PCNX2: variants seen among roughly 807,000 people sequenced by gnomAD.
The protein encoded by PCNX2 is pecanex-like protein 2.
In PCNX2, 168 loss-of-function variants were observed where a neutral mutation model predicts 223.8. That is an observed-to-expected ratio of 0.75 (90% CI 0.66 to 0.85). PCNX2 has a LOEUF of 0.85. Ranked by LOEUF, PCNX2 falls within the 40% of genes least tolerant of loss-of-function variation. The pLI is 0.00. For missense variants in PCNX2, 2,507 were observed against 2,675.5 expected, an observed-to-expected ratio of 0.94 and a Z score of 1.39; for synonymous variants, 1,006 against 1,052.6, an observed-to-expected ratio of 0.96 and a Z score of 0.86.
intron 23 of PCNX2, among the ~76,000 whole-genome samples, chr1:233,074,391 G>C (rs990987954): frequency 2.5e-4 from 38 of 152,044 alleles, no homozygotes; most frequent in African/African-American, 8.9e-4. Flanking sequence ...TCAGGAGATC[G>C]AGACCATCCC....
Position 233,219,637 on chromosome 1 carries a change from T to A in PCNX2, c.2505-1453A>T, listed in dbSNP as rs567030480. The stretch of plus-strand genomic sequence containing the variant: ...GCAATTGTGAACATTTAAAAAAAAA[T>A]AATAGGATATGTTGTTGAGAGACAT... On this transcript the variant is annotated intron_variant, in intron 10 of 33. Transcript: ENST00000258229. 7.9e-5 allele frequency among the ~76,000 whole-genome samples: 12 copies of A among 152,120 alleles called. No homozygotes were observed. In the East Asian group the frequency reaches 1.5e-3, roughly 20 times the overall value.
intron 22 of PCNX2, among the ~76,000 whole-genome samples, chr1:233,094,423 C>T (rs1674043774): frequency 1.3e-5 from 2 of 152,152 alleles, no homozygotes; most frequent in South Asian, 2.1e-4. Flanking sequence ...CAAGCTCAGG[C>T]TTTGCAAACA....
At chr1:233,085,427 T>C (rs1673554955) in intron 23 of PCNX2, among the ~76,000 whole-genome samples, 1 of 152,086 alleles carries the variant, frequency 6.6e-6, no homozygotes, top group Admixed American at 6.6e-5. Flanking sequence ...TGAAGGTATA[T>C]ATAGACTACA....
At chr1:233,016,820 T>C (rs1232752643) in intron 27 of PCNX2, 101 bp downstream of exon 27, 1 of 1,487,070 alleles carries the variant, frequency 6.7e-7, no homozygotes. Flanking sequence ...ATCCTCTATG[T>C]TAAAAGTCTA....
Position 233,024,388 on chromosome 1 carries a change from G to A in PCNX2, c.4605+758C>T, listed in dbSNP as rs1671011413. Among the ~76,000 whole-genome samples the A allele has an allele frequency of 2.0e-5, 3 of 152,192 alleles. No homozygotes were observed. In the South Asian group the frequency reaches 6.2e-4, roughly 32 times the overall value. ...TCCTCTTTTTGAACAGCATTAAGAG[G>A]TGACGTTCCTGTGGTCCATCCAGGA... On this transcript the variant is annotated intron_variant, in intron 26 of 33. Transcript: ENST00000258229.
chr1:233,044,253 T>C (rs924166981), intron 25 of PCNX2, among the ~76,000 whole-genome samples: 6 of 152,274 alleles, frequency 3.9e-5, no homozygotes, highest in African/African-American at 1.2e-4. Context: ...TTTGATGGGA[T>C]TGTTTGTTTT....
At position 233,000,379 on chromosome 1, in the gene PCNX2, C is replaced by T. The variant is rs560435745; in HGVS notation, c.5254G>A (p.Val1752Met). The change falls in exon 30 of 34, where the codon GTG becomes ATG. Residue 1752 changes from valine to methionine, a missense_variant. Transcript: ENST00000258229. This position sits in a 1 kb window ranked among gnomAD's most constrained non-coding sequence, Gnocchi z 4.6. ...NKEELLTLRH[V>M]VDEGADEYKV... is the part of the protein sequence containing the mutation. ...TACTCGTCGGCACCCTCGTCCACCACGTGCCGCAGGGTGAGCAGCTCTTCC... is the reference window on the plus strand; with the variant it reads ...TACTCGTCGGCACCCTCGTCCACCATGTGCCGCAGGGTGAGCAGCTCTTCC... 2.3e-5 allele frequency: 37 copies of T among 1,613,206 alleles called. No homozygotes were observed. Among genetic ancestry groups the T allele is most frequent in the Middle Eastern group, 1.7e-4 (1 of 6,054 alleles).
At chr1:233,246,294 T>A (rs1425792811) in intron 8 of PCNX2, among the ~76,000 whole-genome samples, 1 of 152,104 alleles carries the variant, frequency 6.6e-6, no homozygotes, top group African/African-American at 2.4e-5. Context: ...TCTGATTTAC[T>A]GCAGTCATCA....
rs752027273 is a variant in PCNX2, at chr1:233,025,163, T to A, written c.4588A>T (p.Ile1530Phe). ...AGCAATACCTTGATGTAGTAGCGGA[T>A]GAGGATCCTTCGGAGGTCAAACACC... is the stretch of plus-strand genomic sequence containing the variant. ...LQVFDLRRILIRYYIKSIIYY... is the reference protein window; with the variant it reads ...LQVFDLRRILFRYYIKSIIYY... The change falls in exon 26 of 34, where the codon ATC becomes TTC. Residue 1530 changes from isoleucine (I) to phenylalanine (F), a missense_variant. Around this residue, in one of 3 missense-constraint regions of PCNX2, gnomAD observed 1,372 missense variants for 1,509.4 expected, o/e 0.91. Transcript: ENST00000258229. 2 of 1,613,964 alleles carry A rather than the reference T, an allele frequency of 1.2e-6. No individual in the cohort carries two copies. Among genetic ancestry groups the A allele is most frequent in the South Asian group, 2.2e-5 (2 of 91,082 alleles).
intron 8 of PCNX2, chr1:233,250,510 C>T (rs1659390979): frequency 5.3e-6 from 5 of 942,728 alleles, no homozygotes; most frequent in African/African-American, 1.8e-5. Flanking sequence ...ATTTATACTA[C>T]CTACATGTTA....
At chr1:233,067,009 C>T (rs1672638538) in intron 23 of PCNX2, among the ~76,000 whole-genome samples, 1 of 152,048 alleles carries the variant, frequency 6.6e-6, no homozygotes, top group Non-Finnish European at 1.5e-5. Flanking sequence ...TCTCCCATCT[C>T]AAGAGTCAAT....
At chr1:233,312,584 T>G in the PCNX2 span, among the ~76,000 whole-genome samples, 4 of 152,158 alleles carry the variant, frequency 2.6e-5, no homozygotes, top group Non-Finnish European at 2.9e-5. Flanking sequence ...TTCAGAACAC[T>G]AAACAAGACG....
intron 15 of PCNX2, among the ~76,000 whole-genome samples, chr1:233,191,499 T>C (rs1264607459): frequency 6.6e-6 from 1 of 152,124 alleles, no homozygotes; most frequent in Non-Finnish European, 1.5e-5. Flanking sequence ...TCCCTAGAGC[T>C]CATTAAGTGT....
chr1:233,063,051 A>G (rs921535221), intron 23 of PCNX2, among the ~76,000 whole-genome samples: 1 of 152,162 alleles, frequency 6.6e-6, no homozygotes, highest in Admixed American at 6.5e-5. Context: ...AGCCTGGCCA[A>G]CACAGTGAAA....
At chr1:233,075,772 C>A (rs1332649863) in intron 23 of PCNX2, among the ~76,000 whole-genome samples, 1 of 151,188 alleles carries the variant, frequency 6.6e-6, no homozygotes, top group Non-Finnish European at 1.5e-5. Context: ...AAATAGCAGG[C>A]CTGAACATAG....
chr1:233,095,649 A>G, intron 22 of PCNX2, 106 bp downstream of exon 22: 1 of 1,034,740 alleles, frequency 9.7e-7, no homozygotes. Context: ...TTAAAATGTA[A>G]TCTTATAGAC....
chr1:233,295,169 A>C lies in PCNX2; in HGVS notation c.153+157T>G, dbSNP rs1262819575. On this transcript the variant is annotated intron_variant, in intron 1 of 33. Transcript: ENST00000258229. The surrounding 1 kb of genome is among the most constrained non-coding windows in gnomAD (Gnocchi z 4.1). ...AATCCTCACAGTCCCCTTTCCCTGC[A>C]TGTTCTCTGTCCCAAATTTCTGAAG... Among the ~76,000 whole-genome samples, 1 of 151,976 alleles carries C rather than the reference A, an allele frequency of 6.6e-6. No individual in the cohort carries two copies. The highest frequency in any genetic ancestry group is 1.5e-5 in the Non-Finnish European group (1 of 67,988).
intron 9 of PCNX2, among the ~76,000 whole-genome samples, chr1:233,235,825 C>A (rs1159010633): frequency 6.6e-6 from 1 of 151,698 alleles, no homozygotes; most frequent in African/African-American, 2.4e-5. Context: ...TGGTCTTGAA[C>A]CCCTGACCTC....
intron 23 of PCNX2, among the ~76,000 whole-genome samples, chr1:233,060,838 A>G (rs917551181): frequency 6.6e-6 from 1 of 152,172 alleles, no homozygotes; most frequent in Non-Finnish European, 1.5e-5. Context: ...GCACTACAGA[A>G]CAAGAGTCGT....
Sources: allele counts gnomAD v4.1 joint callset (sites outside exome capture counted in the v4.1 genomes callset), GRCh38; gene constraint gnomAD v4.1.1; regional missense constraint gnomAD v4.1.1; non-coding constraint Gnocchi (gnomAD v3.1); transcripts MANE v1.5; gene names NCBI Gene and HGNC (gene_info 2026-07-23, HGNC 2026-07-21).